The following SGSM1 variants were observed in gnomAD, a reference collection of about 807,000 sequenced individuals.
The protein encoded by SGSM1 is RUN and TBC1 domain containing 2.
In SGSM1, 73 loss-of-function variants were observed where a neutral mutation model predicts 133.8. The observed-to-expected ratio is 0.55, with a 90% CI of 0.45 to 0.66. SGSM1 has a LOEUF of 0.66. SGSM1 is among the 30% of genes least tolerant of loss of function. SGSM1 has a pLI of 0.00. For synonymous variants in SGSM1, 563 were observed against 573.0 expected (o/e 0.98, Z 0.25); for missense variants, 1,213 against 1,448.1 (o/e 0.84, Z 2.64).
chr22:24,816,931 G>T (rs201971162), intron 2 of SGSM1, among the ~76,000 whole-genome samples: 1 of 152,176 alleles, frequency 6.6e-6, no homozygotes, highest in East Asian at 1.9e-4. Flanking sequence ...CTTGGGATTT[G>T]GTCTCACTGG....
intron 2 of SGSM1, among the ~76,000 whole-genome samples, chr22:24,808,635 A>G (rs975341597): frequency 3.3e-5 from 5 of 152,194 alleles, no homozygotes; most frequent in Non-Finnish European, 7.3e-5. Context: ...AACACCAGTA[A>G]GACATCTGGG....
intron 3 of SGSM1, among the ~76,000 whole-genome samples, chr22:24,846,015 TTCTTTCTC>T (rs1930126503): frequency 1.4e-5 from 2 of 147,162 alleles, no homozygotes; most frequent in Admixed American, 6.9e-5. Context: ...CTTTCTTCAT[TTCTTTCTC>T]TCTTTCTCTC....
At chr22:24,852,972 G>T (rs931304945) in intron 5 of SGSM1, among the ~76,000 whole-genome samples, 2 of 152,180 alleles carry the variant, frequency 1.3e-5, no homozygotes, top group Non-Finnish European at 2.9e-5. Context: ...AAGACTCTTG[G>T]GGGGTAAGAT....
At chr22:24,890,236 A>C (rs140154617) in intron 16 of SGSM1, among the ~76,000 whole-genome samples, 36 of 151,954 alleles carry the variant, frequency 2.4e-4, no homozygotes, top group Admixed American at 2.4e-3. Context: ...GATTACAGGC[A>C]TGAGCCACCA....
chr22:24,834,758 C>CTT (rs139641), intron 2 of SGSM1, among the ~76,000 whole-genome samples: 12 of 146,088 alleles, frequency 8.2e-5, no homozygotes, highest in African/African-American at 2.8e-4. Context: ...TCTAAATTTC[C>CTT]TTTTTTTTTT....
At chr22:24,838,592 T>C (rs1929606558) in intron 2 of SGSM1, among the ~76,000 whole-genome samples, 1 of 152,198 alleles carries the variant, frequency 6.6e-6, no homozygotes, top group African/African-American at 2.4e-5. Flanking sequence ...TCTATGTTTA[T>C]CAAAAAGGAC....
chr22:24,883,045 C>T (rs942954044), intron 14 of SGSM1, among the ~76,000 whole-genome samples: 3 of 151,360 alleles, frequency 2.0e-5, no homozygotes, highest in African/African-American at 7.3e-5. Flanking sequence ...CTACAGGTGC[C>T]GGCCACCATG....
chr22:24,902,518 A>AT (rs901136803), intron 20 of SGSM1, among the ~76,000 whole-genome samples: 19 of 151,880 alleles, frequency 1.3e-4, no homozygotes, highest in Non-Finnish European at 2.5e-4. Context: ...CTACAAAATA[A>AT]TTTTTTTTAA....
intron 2 of SGSM1, 87 bp from the exon 3 acceptor site, chr22:24,844,810 G>A (rs1930000943): frequency 4.1e-6 from 5 of 1,222,124 alleles, no homozygotes; most frequent in Non-Finnish European, 5.9e-6. Context: ...GCCTTGTGGG[G>A]AGCAATGCAG....
chr22:24,884,912 G>A (rs1932517705), intron 15 of SGSM1, among the ~76,000 whole-genome samples: 1 of 152,190 alleles, frequency 6.6e-6, no homozygotes, highest in Non-Finnish European at 1.5e-5. Flanking sequence ...GTATGAGGTA[G>A]CAGCGAGAAT....
chr22:24,886,759 T>C, intron 16 of SGSM1, 31 bp downstream of exon 16: 1 of 1,562,058 alleles, frequency 6.4e-7, no homozygotes, highest in Non-Finnish European at 8.7e-7. Flanking sequence ...ACTGGGATCT[T>C]TGGCAACAAA....
intron 5 of SGSM1, among the ~76,000 whole-genome samples, chr22:24,853,991 AT>A (rs1930635873): frequency 6.6e-6 from 1 of 150,850 alleles, no homozygotes. Flanking sequence ...TGATAAACCC[AT>A]CATATCTCGT....
At chr22:24,916,193 T>A (rs2123742861) in intron 22 of SGSM1, among the ~76,000 whole-genome samples, 1 of 152,274 alleles carries the variant, frequency 6.6e-6, no homozygotes, top group East Asian at 1.9e-4. Context: ...AAGAAATTCT[T>A]CACTAACAAC....
intron 3 of SGSM1, among the ~76,000 whole-genome samples, chr22:24,845,963 T>TTCTTTCTTTCTTTCTTTCTC (rs1930104481): frequency 7.7e-6 from 1 of 129,684 alleles, no homozygotes; most frequent in African/African-American, 2.7e-5. Context: ...CTTTCTTTCT[T>TTCTTTCTTTCTTTCTTTCTC]TCTTTCTTTC....
At chr22:24,843,592 A>C (rs1009910264) in intron 2 of SGSM1, 1 of 152,198 alleles carries the variant, frequency 6.6e-6, no homozygotes, top group African/African-American at 2.4e-5. Flanking sequence ...ATTGTTTTCC[A>C]ACCTCCTCAA....
intron 9 of SGSM1, among the ~76,000 whole-genome samples, chr22:24,865,312 CTG>C (rs937654688): frequency 6.6e-6 from 1 of 152,200 alleles, no homozygotes; most frequent in Non-Finnish European, 1.5e-5. Context: ...GCACACAGGG[CTG>C]TGGGAGCCCA....
intron 16 of SGSM1, among the ~76,000 whole-genome samples, chr22:24,889,291 C>A (rs189262916): frequency 7.3e-4 from 111 of 152,026 alleles, no homozygotes; most frequent in African/African-American, 2.5e-3. Context: ...TAAAAAGAAA[C>A]AGATGCAATT....
intron 2 of SGSM1, among the ~76,000 whole-genome samples, chr22:24,818,703 T>A (rs1211777600): frequency 1.3e-5 from 2 of 152,028 alleles, no homozygotes; most frequent in African/African-American, 4.8e-5. Context: ...TTTAGAGGGA[T>A]ATGCCAAAAC....
chr22:24,876,306 T>G (rs1227531266), intron 12 of SGSM1, among the ~76,000 whole-genome samples: 1 of 152,162 alleles, frequency 6.6e-6, no homozygotes, highest in Non-Finnish European at 1.5e-5. Flanking sequence ...GCTCTGGGAT[T>G]GGGCCTGGTT....
Sources: gnomAD v4.1 joint callset for allele counts (sites outside exome capture counted in the v4.1 genomes callset) on GRCh38, gnomAD v4.1.1 for gene constraint, MANE v1.5 for transcripts, NCBI Gene and HGNC (gene_info 2026-07-23, HGNC 2026-07-21) for gene names.